RAI1: variants seen among roughly 807,000 people sequenced by gnomAD.
The protein encoded by RAI1 is retinoic acid-induced protein 1.
RAI1 carries 9 observed loss-of-function variants against 123.8 expected under a neutral mutation model. The ratio of observed to expected loss-of-function variants is 0.07; its 90% CI spans 0.04 to 0.13. The LOEUF is 0.13. RAI1 is among the 10% of genes least tolerant of loss of function. The pLI, the probability that RAI1 is intolerant of heterozygous loss-of-function variation, is 1.00. For missense variants in RAI1, 2,256 were observed against 2,545.8 expected, an observed-to-expected ratio of 0.89 and a Z score of 2.45; for synonymous variants, 1,231 against 1,127.3, an observed-to-expected ratio of 1.09 and a Z score of -1.84.
In RAI1 at chr17:17,809,412, C is replaced by A; in HGVS notation, c.5682C>A (p.Asn1894Lys). 1 of 1,609,166 alleles carries A rather than the reference C, an allele frequency of 6.2e-7. No homozygotes were observed. Among genetic ancestry groups the A allele is most frequent in the Non-Finnish European group, 8.5e-7 (1 of 1,175,624 alleles). The part of the protein sequence containing the change: ...SDAGCIFIEE[N>K]FSLKCPKHKR... ...CAGGTTGCATATTCATCGAAGAGAA[C>A]TTTTCTTTGAAATGTCCCAAACATA... The change falls in exon 5 of 6, where the codon AAC becomes AAA. Residue 1894 changes from asparagine (N) to lysine (K), a missense_variant. Asn to Lys is a moderately conservative substitution (Grantham distance 94). Transcript: ENST00000353383. The surrounding 1 kb of genome is among the most constrained non-coding windows in gnomAD (Gnocchi z 4.9).
rs758698432 is a variant in RAI1 at position 17,797,397 on chromosome 17, C to T, written c.4449C>T (p.Gly1483=). The T allele has an allele frequency of 5.0e-6, 8 of 1,612,932 alleles. No individual in the cohort carries two copies. The highest frequency in any genetic ancestry group is 6.8e-6 in the Non-Finnish European group (8 of 1,179,830). ...LLLTPRDRAS[G]TQGASEDNSG... The stretch of plus-strand genomic sequence containing the variant: ...TGACTCCCCGAGACAGGGCCAGTGG[C>T]ACACAAGGGGCCAGTGAGGACAACT... Residue 1483 remains glycine (G), a synonymous_variant, in exon 3 of 6, where the codon GGC becomes GGT. Coordinates refer to ENST00000353383, the MANE Select transcript of RAI1 (RefSeq NM_030665.4).
At chr17:17,740,362 C>CA (rs1357918168) in intron 2 of RAI1, among the ~76,000 whole-genome samples, 2 of 152,342 alleles carry the variant, frequency 1.3e-5, no homozygotes, top group African/African-American at 4.8e-5. Context: ...TCCTCAGAAA[C>CA]ACTACCTGCA....
chr17:17,795,342 C>A lies in RAI1; in HGVS notation c.2394C>A (p.Pro798=), dbSNP rs1189166434. 2 of 1,601,604 alleles carry A rather than the reference C, an allele frequency of 1.2e-6. No individual in the cohort carries two copies. Among genetic ancestry groups the A allele is most frequent in the African/African-American group, 2.7e-5 (2 of 74,494 alleles). ...GCCTGGGCTTCCAGGAGGAGGACCC[C>A]CCTGGGGAGAAGGTGGCCTCGTTGC... ...SACLGFQEED[P]PGEKVASLPG... is the part of the protein sequence containing the mutation. Residue 798 remains proline (P), a synonymous_variant, in exon 3 of 6, where the codon CCC becomes CCA. Coordinates refer to ENST00000353383, the MANE Select transcript of RAI1 (RefSeq NM_030665.4). The surrounding 1 kb of genome is among the most constrained non-coding windows in gnomAD (Gnocchi z 5.9).
intron 2 of RAI1, among the ~76,000 whole-genome samples, chr17:17,765,179 A>C (rs767373751): frequency 6.6e-6 from 1 of 152,240 alleles, no homozygotes; most frequent in Non-Finnish European, 1.5e-5. Context: ...GGATCTTGTG[A>C]ATATACCTGC....
rs1184373480 is a variant in RAI1, at chr17:17,794,836, C to T, written c.1888C>T (p.Pro630Ser). The T allele has an allele frequency of 3.7e-6, 6 of 1,613,080 alleles. No homozygotes were observed. The highest frequency in any genetic ancestry group is 2.2e-5 in the East Asian group (1 of 44,886). Reference protein sequence around the residue: ...EKADKAWAEAPSLVKDSSKPP... With the variant: ...EKADKAWAEASSLVKDSSKPP... Reference sequence around the variant, plus strand: ...GGCCGACAAAGCTTGGGCTGAAGCACCCAGCCTGGTCAAGGACAGCAGCAA... The same window carrying T: ...GGCCGACAAAGCTTGGGCTGAAGCATCCAGCCTGGTCAAGGACAGCAGCAA... Residue 630 changes from proline to serine, a missense_variant, in exon 3 of 6, where the codon CCC becomes TCC. Around this residue, in one of 7 missense-constraint regions of RAI1, gnomAD observed 566 missense variants for 616.0 expected, o/e 0.92. Transcript: ENST00000353383.
chr17:17,694,183 T>A (rs1263746060), intron 1 of RAI1, among the ~76,000 whole-genome samples: 1 of 152,148 alleles, frequency 6.6e-6, no homozygotes, highest in Non-Finnish European at 1.5e-5. Context: ...GTGGGCACTT[T>A]GGAGTCTTTG....
intron 2 of RAI1, among the ~76,000 whole-genome samples, chr17:17,737,486 C>T (rs2142961527): frequency 6.6e-6 from 1 of 152,314 alleles, no homozygotes; most frequent in African/African-American, 2.4e-5. Flanking sequence ...CCCAGTCTTA[C>T]TCTTGGGGTC....
intron 2 of RAI1, among the ~76,000 whole-genome samples, chr17:17,750,689 CAAAAA>C (rs57637022): frequency 4.0e-3 from 318 of 79,750 alleles, no homozygotes; most frequent in Non-Finnish European, 5.0e-3. Flanking sequence ...TACTCCGTCT[CAAAAA>C]AAAAAAAAAA....
At chr17:17,736,488 C>T (rs1167406574) in intron 2 of RAI1, among the ~76,000 whole-genome samples, 4 of 152,254 alleles carry the variant, frequency 2.6e-5, no homozygotes, top group Non-Finnish European at 5.9e-5. Context: ...CTTAGCTTCT[C>T]TGTAGGAGAT....
In RAI1 at chr17:17,800,129, C is replaced by T. The variant is rs1430341868; in HGVS notation, c.5565+1616C>T. On this transcript the variant is annotated intron_variant, in intron 3 of 5. Transcript: ENST00000353383. This position sits in a 1 kb window ranked among gnomAD's most constrained non-coding sequence, Gnocchi z 4.7. ...GGTGGCCTTGGGCCTCTTCCCTCTC[C>T]CCTTCCCAGTTAGTGATTTTTTGCC... 6.6e-6 allele frequency among the ~76,000 whole-genome samples: 1 copy of T among 151,146 alleles called. No homozygotes were observed. Among genetic ancestry groups the T allele is most frequent in the African/African-American group, 2.4e-5 (1 of 41,096 alleles).
intron 2 of RAI1, chr17:17,779,674 C>T (rs908304557): frequency 6.6e-6 from 1 of 152,040 alleles, no homozygotes; most frequent in African/African-American, 2.4e-5. Context: ...GGAGCCAAAT[C>T]CCCACATGGA....
intron 2 of RAI1, among the ~76,000 whole-genome samples, chr17:17,772,954 TG>T (rs2031209521): frequency 6.6e-6 from 1 of 151,500 alleles, no homozygotes; most frequent in African/African-American, 2.4e-5. Context: ...GAAGGTAGGC[TG>T]GTGAGTGGAT....
chr17:17,769,277 G>A (rs2031053922), intron 2 of RAI1, among the ~76,000 whole-genome samples: 1 of 152,260 alleles, frequency 6.6e-6, no homozygotes, highest in South Asian at 2.1e-4. Context: ...GGATGCCAGA[G>A]TAGAAGTGGA....
rs78400761 is a variant in RAI1 at position 17,692,691 on chromosome 17, G to A, written c.-149+10898G>A. Among the ~76,000 whole-genome samples, 855 of 152,364 alleles carry A rather than the reference G, an allele frequency of 5.6e-3. 8 individuals carry two copies. Among genetic ancestry groups the A allele is most frequent in the African/African-American group, 0.02 (823 of 41,572 alleles). ...AAGGCTTGCAGTCAGACAGCCATGAGCTTGGCTTCTGACCAAAGCAGTTTT... is the reference window on the plus strand; with the variant it reads ...AAGGCTTGCAGTCAGACAGCCATGAACTTGGCTTCTGACCAAAGCAGTTTT... On this transcript the variant is annotated intron_variant, in intron 1 of 5. Coordinates refer to ENST00000353383, the MANE Select transcript of RAI1 (RefSeq NM_030665.4).
intron 2 of RAI1, among the ~76,000 whole-genome samples, chr17:17,756,616 A>AAAGTAGAT (rs2030448439): frequency 6.6e-6 from 1 of 151,604 alleles, no homozygotes; most frequent in African/African-American, 2.4e-5. Flanking sequence ...AAAGTGTGCT[A>AAAGTAGAT]GCTTCAAATC....
At position 17,801,647 on chromosome 17, in the gene RAI1, T is replaced by C. The variant is rs976460304; in HGVS notation, c.5566-2109T>C. Among the ~76,000 whole-genome samples the C allele has an allele frequency of 1.3e-5, 2 of 152,216 alleles. No homozygotes were observed. Among genetic ancestry groups the C allele is most frequent in the Non-Finnish European group, 2.9e-5 (2 of 68,030 alleles). On this transcript the variant is annotated intron_variant, in intron 3 of 5. Coordinates refer to ENST00000353383, the MANE Select transcript of RAI1 (RefSeq NM_030665.4). The surrounding 1 kb of genome is among the most constrained non-coding windows in gnomAD (Gnocchi z 4.1). ...CTAGGCGGGAAGGAGGCCTCAGCCC[T>C]GAGCTGAAAACCTGAAATTCTAGAA...
intron 2 of RAI1, among the ~76,000 whole-genome samples, chr17:17,758,865 G>T (rs1363399204): frequency 1.3e-5 from 2 of 152,164 alleles, no homozygotes; most frequent in Non-Finnish European, 2.9e-5. Context: ...AGGCCCAGGG[G>T]TATGAAGCTG....
intron 2 of RAI1, among the ~76,000 whole-genome samples, chr17:17,731,619 G>A (rs1227636847): frequency 1.3e-5 from 2 of 152,340 alleles, no homozygotes; most frequent in African/African-American, 4.8e-5. Context: ...AAGAGGATCA[G>A]AAGAGGACCC....
rs1292677024 is a variant in RAI1, at chr17:17,796,186, C to T, written c.3238C>T (p.Pro1080Ser). Reference sequence around the variant, plus strand: ...CCCAGGCCTGACCACCACCCCTGCACCCCCAGACAAACTGGGGGGCAAGCA... The same window carrying T: ...CCCAGGCCTGACCACCACCCCTGCATCCCCAGACAAACTGGGGGGCAAGCA... ...GPPGLTTTPA[P>S]PDKLGGKQRA... is the part of the protein sequence containing the mutation. Residue 1080 changes from proline to serine, a missense_variant, in exon 3 of 6, where the codon CCC (proline) becomes TCC (serine). By Grantham distance (74) the Pro-to-Ser change is moderately conservative. This residue lies in a region of RAI1 where 566 missense variants were observed against 616.0 expected (regional missense o/e 0.92). Transcript: ENST00000353383. This position sits in a 1 kb window ranked among gnomAD's most constrained non-coding sequence, Gnocchi z 5.8. The T allele has an allele frequency of 1.9e-6, 3 of 1,554,054 alleles. No individual in the cohort carries two copies. Among genetic ancestry groups the T allele is most frequent in the Non-Finnish European group, 2.6e-6 (3 of 1,149,484 alleles).
Sources: gnomAD v4.1 joint callset for allele counts (sites outside exome capture counted in the v4.1 genomes callset) on GRCh38, gnomAD v4.1.1 for gene constraint, gnomAD v4.1.1 regional missense constraint, Gnocchi (gnomAD v3.1) non-coding constraint, MANE v1.5 for transcripts, NCBI Gene and HGNC (gene_info 2026-07-23, HGNC 2026-07-21) for gene names.